The following RGS17 variants were observed in gnomAD, a reference collection of about 807,000 sequenced individuals.
The protein encoded by RGS17 is regulator of G protein signaling 17.
A neutral mutation model predicts 25.5 loss-of-function variants in RGS17; 12 were observed. That is an observed-to-expected ratio of 0.47 (90% CI 0.30 to 0.76). RGS17 has a LOEUF of 0.76. Among genes scored for constraint, RGS17 ranks in the 30% least tolerant of loss-of-function variants. RGS17 has a pLI of 0.07. For synonymous variants in RGS17, 71 were observed against 76.9 expected, an observed-to-expected ratio of 0.92 and a Z score of 0.40; for missense variants, 196 against 242.2, an observed-to-expected ratio of 0.81 and a Z score of 1.27.
chr6:153,106,857 C>T (rs1178826451), intron 1 of RGS17, among the ~76,000 whole-genome samples: 1 of 151,330 alleles, frequency 6.6e-6, no homozygotes, highest in Non-Finnish European at 1.5e-5. Flanking sequence ...TGGTCTTGAA[C>T]TCTTGACCTC....
chr6:153,043,781 CAAAG>C (rs2129110452), intron 2 of RGS17, 115 bp downstream of exon 2: 3 of 614,924 alleles, frequency 4.9e-6, no homozygotes, highest in Non-Finnish European at 5.7e-6. Context: ...GTCCTACTTG[CAAAG>C]AAAGAACAAA....
At chr6:153,073,801 C>G (rs1244598629) in intron 1 of RGS17, among the ~76,000 whole-genome samples, 1 of 152,050 alleles carries the variant, frequency 6.6e-6, no homozygotes, top group Non-Finnish European at 1.5e-5. Context: ...ATTGATGTAA[C>G]CATTATAGAT....
intron 1 of RGS17, among the ~76,000 whole-genome samples, chr6:153,123,051 G>T (rs750260083): frequency 6.6e-6 from 1 of 151,588 alleles, no homozygotes; most frequent in African/African-American, 2.4e-5. Context: ...GGAGTAAATT[G>T]GAGTATTTAA....
At chr6:153,062,247 T>C (rs1420062499) in intron 1 of RGS17, among the ~76,000 whole-genome samples, 1 of 152,114 alleles carries the variant, frequency 6.6e-6, no homozygotes, top group Non-Finnish European at 1.5e-5. Flanking sequence ...AGAAACAGAC[T>C]TGAACCACCA....
chr6:153,033,140 C>G (rs1347612056), intron 2 of RGS17, among the ~76,000 whole-genome samples: 2 of 152,058 alleles, frequency 1.3e-5, no homozygotes, highest in African/African-American at 4.8e-5. Context: ...CAATTTCTTT[C>G]TATATACGCA....
At chr6:153,103,254 G>A (rs1375856976) in intron 1 of RGS17, among the ~76,000 whole-genome samples, 1 of 152,180 alleles carries the variant, frequency 6.6e-6, no homozygotes, top group Non-Finnish European at 1.5e-5. Flanking sequence ...GGAATAATGG[G>A]CTGAGATGTT....
chr6:153,016,134 T>C (rs1367083895), intron 4 of RGS17, among the ~76,000 whole-genome samples: 3 of 152,230 alleles, frequency 2.0e-5, no homozygotes, highest in African/African-American at 7.2e-5. Flanking sequence ...AAAAATGTTC[T>C]GGAAATGAAT....
intron 1 of RGS17, among the ~76,000 whole-genome samples, chr6:153,081,678 C>A (rs1251545463): frequency 6.6e-6 from 1 of 152,034 alleles, no homozygotes; most frequent in Non-Finnish European, 1.5e-5. Context: ...TACATGCCCC[C>A]AGTTCCCTGT....
chr6:153,107,203 G>A (rs1283626174), intron 1 of RGS17, among the ~76,000 whole-genome samples: 1 of 151,774 alleles, frequency 6.6e-6, no homozygotes, highest in Non-Finnish European at 1.5e-5. Flanking sequence ...CATGGTGGTG[G>A]GCGCCTGTAA....
chr6:153,096,532 G>T (rs1777216090), intron 1 of RGS17, among the ~76,000 whole-genome samples: 2 of 151,952 alleles, frequency 1.3e-5, no homozygotes, highest in South Asian at 4.1e-4. Flanking sequence ...AATCTCTTTG[G>T]GCTTCCTTTT....
chr6:153,054,055 A>G lies in RGS17; in HGVS notation c.-25-10012T>C, dbSNP rs1562321556. ...TATACATATATATGTATATATGTAT[A>G]TAATATATATACATATATATATACA... On this transcript the variant is annotated intron_variant, in intron 1 of 4. Transcript: ENST00000206262. 4.5e-4 allele frequency among the ~76,000 whole-genome samples: 33 copies of G among 72,976 alleles called. 1 individual carries two copies. Among genetic ancestry groups the G allele is most frequent in the East Asian group, 9.1e-4 (2 of 2,202 alleles). 47.9% of individuals were successfully genotyped at this position (72,976 alleles called of 152,430 possible).
intron 1 of RGS17, among the ~76,000 whole-genome samples, chr6:153,070,963 A>G (rs745997956): frequency 6.7e-6 from 1 of 149,530 alleles, no homozygotes; most frequent in Non-Finnish European, 1.5e-5. Flanking sequence ...ATGTGTATAT[A>G]CACGTGTATA....
chr6:153,079,170 C>T (rs9479500), intron 1 of RGS17, among the ~76,000 whole-genome samples: 79,251 of 151,704 alleles, frequency 0.52, 21,140 homozygotes, highest in Non-Finnish European at 0.57. Flanking sequence ...CTCTGCCTGC[C>T]GGGTTCAAGC....
At chr6:153,110,707 G>A (rs1777457339) in intron 1 of RGS17, among the ~76,000 whole-genome samples, 2 of 152,192 alleles carry the variant, frequency 1.3e-5, no homozygotes. Flanking sequence ...GCAGAAGGCA[G>A]GTGATTTCTG....
intron 1 of RGS17, among the ~76,000 whole-genome samples, chr6:153,126,636 T>C (rs1015208835): frequency 6.6e-6 from 1 of 152,214 alleles, no homozygotes; most frequent in Admixed American, 6.5e-5. Flanking sequence ...TCAGTCTTAT[T>C]GGTAGCCAAA....
intron 1 of RGS17, among the ~76,000 whole-genome samples, chr6:153,110,188 CTGT>C (rs1259075115): frequency 3.9e-5 from 6 of 152,278 alleles, no homozygotes; most frequent in Admixed American, 1.3e-4. Context: ...CCTCAGGCTG[CTGT>C]TAAGTTTCCT....
intron 4 of RGS17, among the ~76,000 whole-genome samples, chr6:153,018,153 C>T (rs1779204005): frequency 6.6e-6 from 1 of 151,980 alleles, no homozygotes; most frequent in African/African-American, 2.4e-5. Flanking sequence ...AAAGTATATC[C>T]TGCTGGTCTA....
chr6:153,130,991 A>T lies in RGS17; in HGVS notation c.-26+133T>A, dbSNP rs1363033436. 1 of 134,364 alleles carries T rather than the reference A, an allele frequency of 7.4e-6. No homozygotes were observed. Among genetic ancestry groups the T allele is most frequent in the Admixed American group, 7.1e-5 (1 of 14,000 alleles). 8.3% of individuals were successfully genotyped at this position (134,364 alleles called of 1,614,324 possible). A position where few individuals can be genotyped will look rare whatever the true frequency, so the allele number is the denominator to read the frequency against. On this transcript the variant is annotated intron_variant, in intron 1 of 4. Coordinates refer to ENST00000206262, the MANE Select transcript of RGS17 (RefSeq NM_012419.5). This position sits in a 1 kb window ranked among gnomAD's most constrained non-coding sequence, Gnocchi z 6.4. Reference sequence around the variant, plus strand: ...GCCGCGCAGCCGCCCCCGCCGGGGCATGGGCGGTCGCGCTCTCCGCCCCCT... The same window carrying T: ...GCCGCGCAGCCGCCCCCGCCGGGGCTTGGGCGGTCGCGCTCTCCGCCCCCT...
At chr6:153,125,749 T>C (rs1365292921) in intron 1 of RGS17, among the ~76,000 whole-genome samples, 1 of 152,072 alleles carries the variant, frequency 6.6e-6, no homozygotes, top group Non-Finnish European at 1.5e-5. Context: ...GCTCCTGAGG[T>C]GGCAAGATCA....
Sources: allele counts gnomAD v4.1 joint callset (sites outside exome capture counted in the v4.1 genomes callset), GRCh38; gene constraint gnomAD v4.1.1; non-coding constraint Gnocchi (gnomAD v3.1); transcripts MANE v1.5; gene names NCBI Gene and HGNC (gene_info 2026-07-23, HGNC 2026-07-21).